The following ANKS1A variants were observed in gnomAD, a reference collection of about 807,000 sequenced individuals.
The protein encoded by ANKS1A is ankyrin repeat and SAM domain-containing protein 1A.
ANKS1A carries 55 observed loss-of-function variants against 120.3 expected under a neutral mutation model. The observed-to-expected ratio is 0.46, with a 90% CI of 0.37 to 0.57. The LOEUF (loss-of-function observed/expected upper bound fraction) is 0.57, where lower values mean the gene tolerates loss of function less well. Ranked by LOEUF, ANKS1A falls within the 20% of genes least tolerant of loss-of-function variation. ANKS1A has a pLI of 0.00. For missense variants in ANKS1A, 1,123 were observed against 1,480.3 expected, an observed-to-expected ratio of 0.76 and a Z score of 3.96; for synonymous variants, 590 against 604.7, an observed-to-expected ratio of 0.98 and a Z score of 0.36.
intron 15 of ANKS1A, 22 bp from the exon 16 acceptor site, chr6:35,079,799 C>T: frequency 6.3e-7 from 1 of 1,590,176 alleles, no homozygotes; most frequent in Non-Finnish European, 8.6e-7. Context: ...GACCTGTCAC[C>T]TCGCTGCTCC....
intron 17 of ANKS1A, among the ~76,000 whole-genome samples, chr6:35,081,927 T>G (rs1207902382): frequency 2.0e-5 from 3 of 152,194 alleles, no homozygotes; most frequent in Admixed American, 6.5e-5. Flanking sequence ...AACTTCAGCT[T>G]CACCCCTGCT....
intron 7 of ANKS1A, 123 bp downstream of exon 7, chr6:34,983,548 A>T: frequency 1.2e-6 from 1 of 833,230 alleles, no homozygotes; most frequent in Non-Finnish European, 1.9e-6. Flanking sequence ...TACTTAGTTT[A>T]TATTCAGTTC....
In ANKS1A at chr6:35,076,478, C is replaced by T. The variant is rs187784298; in HGVS notation, c.2185-2080C>T. Among the ~76,000 whole-genome samples the T allele has an allele frequency of 3.7e-3, 561 of 152,328 alleles. 3 individuals carry two copies. Among genetic ancestry groups the T allele is most frequent in the African/African-American group, 0.013 (530 of 41,580 alleles). On this transcript the variant is annotated intron_variant, in intron 13 of 23. Coordinates refer to ENST00000360359, the MANE Select transcript of ANKS1A (RefSeq NM_015245.3). ...GGAGCTCTGGGTGTCCCCAAGTGTG[C>T]GGCACCAGGGCCATGTGGACAGCAG...
chr6:35,096,903 A>AG, the ANKS1A span, among the ~76,000 whole-genome samples: 1 of 118,164 alleles, frequency 8.5e-6, no homozygotes, highest in Non-Finnish European at 2.0e-5. Context: ...CCTCTAAAAA[A>AG]GAAAAAAAAA....
intron 1 of ANKS1A, among the ~76,000 whole-genome samples, chr6:34,895,631 T>G (rs1272254694): frequency 2.0e-5 from 3 of 152,154 alleles, no homozygotes; most frequent in Non-Finnish European, 4.4e-5. Flanking sequence ...ACAGATCTTG[T>G]GGATTTGAAT....
At chr6:35,029,561 G>T in intron 11 of ANKS1A, among the ~76,000 whole-genome samples, 1 of 151,458 alleles carries the variant, frequency 6.6e-6, no homozygotes, top group African/African-American at 2.4e-5. Flanking sequence ...ATTAGGCCAG[G>T]CTGGTCTGGA....
intron 13 of ANKS1A, among the ~76,000 whole-genome samples, chr6:35,071,582 C>A (rs1237322335): frequency 1.3e-5 from 2 of 152,098 alleles, no homozygotes; most frequent in Non-Finnish European, 2.9e-5. Context: ...TCTGTGGGAT[C>A]CCCTTGGCCT....
chr6:34,956,729 A>T (rs752198455), intron 1 of ANKS1A, among the ~76,000 whole-genome samples: 38 of 152,138 alleles, frequency 2.5e-4, no homozygotes, highest in Non-Finnish European at 4.6e-4. Context: ...TTCAAGATAG[A>T]GACTTTCATT....
intron 10 of ANKS1A, among the ~76,000 whole-genome samples, chr6:35,011,861 A>C (rs1773774265): frequency 1.3e-5 from 2 of 152,220 alleles, no homozygotes; most frequent in African/African-American, 4.8e-5. Flanking sequence ...CCCACGGGCC[A>C]GCTGCCATGC....
At chr6:35,070,843 TGTGC>T in intron 13 of ANKS1A, 1 of 578,474 alleles carries the variant, frequency 1.7e-6, no homozygotes, top group East Asian at 4.2e-5. Context: ...TGTGTGTGTG[TGTGC>T]GCGCCAAAGA....
In ANKS1A at chr6:35,090,511, C is replaced by T; in HGVS notation, c.*1902C>T. On this transcript the variant is annotated 3_prime_UTR_variant, in exon 24 of 24. Transcript: ENST00000360359. ...TTTCTTCTGCTTGAAGCTGCTATATCATCTTTATTTATTCAGGGTATTTTC... is the reference window on the plus strand; with the variant it reads ...TTTCTTCTGCTTGAAGCTGCTATATTATCTTTATTTATTCAGGGTATTTTC... The T allele has an allele frequency of 2.8e-6, 3 of 1,063,952 alleles. No individual in the cohort carries two copies. The highest frequency in any genetic ancestry group is 6.0e-5 in the South Asian group (2 of 33,348). 65.9% of individuals were successfully genotyped at this position (1,063,952 alleles called of 1,614,324 possible). A position where few individuals can be genotyped will look rare whatever the true frequency, so the allele number is the denominator to read the frequency against.
At chr6:34,892,740 A>G (rs1301207532) in intron 1 of ANKS1A, among the ~76,000 whole-genome samples, 1 of 152,176 alleles carries the variant, frequency 6.6e-6, no homozygotes, top group Admixed American at 6.5e-5. Flanking sequence ...TCAAGCTTCC[A>G]TGTCTTTGGA....
chr6:35,023,809 TGG>T, intron 11 of ANKS1A: 1 of 253,022 alleles, frequency 4.0e-6, no homozygotes, highest in South Asian at 5.4e-5. Flanking sequence ...GTGACATTCT[TGG>T]AAAGAATGCA....
intron 10 of ANKS1A, among the ~76,000 whole-genome samples, chr6:34,995,861 A>G (rs1581616616): frequency 1.3e-5 from 2 of 152,206 alleles, no homozygotes; most frequent in Non-Finnish European, 2.9e-5. Context: ...ATCACTAAAA[A>G]CATTCACTTA....
chr6:34,907,571 T>G (rs1285768566), intron 1 of ANKS1A, among the ~76,000 whole-genome samples: 1 of 152,190 alleles, frequency 6.6e-6, no homozygotes. Context: ...CAACCTGCAT[T>G]GTTTAAGTAT....
intron 1 of ANKS1A, among the ~76,000 whole-genome samples, chr6:34,904,552 C>T (rs1767541974): frequency 6.6e-6 from 1 of 151,892 alleles, no homozygotes; most frequent in Admixed American, 6.6e-5. Context: ...GCTAACATGG[C>T]GAAATCCCGT....
intron 10 of ANKS1A, among the ~76,000 whole-genome samples, chr6:34,998,873 G>A (rs761309534): frequency 6.6e-6 from 1 of 152,166 alleles, no homozygotes; most frequent in Non-Finnish European, 1.5e-5. Context: ...GGTGATTAAC[G>A]GATGGTTGAG....
rs962912034 is a variant in ANKS1A, at chr6:35,086,806, C to G, written c.3304-146C>G. 1.3e-6 allele frequency: 1 copy of G among 791,396 alleles called. No individual in the cohort carries two copies. 49.0% of individuals were successfully genotyped at this position (791,396 alleles called of 1,614,324 possible). A position where few individuals can be genotyped will look rare whatever the true frequency, so the allele number is the denominator to read the frequency against. On this transcript the variant is annotated intron_variant, in intron 22 of 23. Transcript: ENST00000360359. The surrounding 1 kb of genome is among the most constrained non-coding windows in gnomAD (Gnocchi z 5.1). ...AGGGTGTCCCTCCTCCGCCTGCCCCCAGGGGCCTGCTCTTTGGCCGAGGAG... is the reference window on the plus strand; with the variant it reads ...AGGGTGTCCCTCCTCCGCCTGCCCCGAGGGGCCTGCTCTTTGGCCGAGGAG...
chr6:35,035,408 A>C (rs542382409), intron 11 of ANKS1A, among the ~76,000 whole-genome samples: 7 of 152,336 alleles, frequency 4.6e-5, no homozygotes, highest in African/African-American at 1.7e-4. Flanking sequence ...GAATTTTCTA[A>C]AATACACTTC....
Sources: gnomAD v4.1 joint callset for allele counts (sites outside exome capture counted in the v4.1 genomes callset) on GRCh38, gnomAD v4.1.1 for gene constraint, Gnocchi (gnomAD v3.1) non-coding constraint, MANE v1.5 for transcripts, NCBI Gene and HGNC (gene_info 2026-07-23, HGNC 2026-07-21) for gene names.